INPP4B: variants seen among roughly 807,000 people sequenced by gnomAD.
INPP4B encodes inositol polyphosphate 4-phosphatase type II.
A neutral mutation model predicts 122.5 loss-of-function variants in INPP4B; 55 were observed. The ratio of observed to expected loss-of-function variants is 0.45; its 90% confidence interval spans 0.36 to 0.56. INPP4B has a LOEUF of 0.56. Ranked by LOEUF, INPP4B falls within the 20% of genes least tolerant of loss-of-function variation. The probability of loss-of-function intolerance (pLI) is 0.00; values close to 1 mark genes in which losing one functional copy is unlikely to be tolerated. For synonymous variants in INPP4B, 403 were observed against 388.7 expected (o/e 1.04, Z -0.43); for missense variants, 1,000 against 1,097.7 (o/e 0.91, Z 1.26).
chr4:142,412,028 T>C (rs188315946), intron 5 of INPP4B, among the ~76,000 whole-genome samples: 1 of 152,308 alleles, frequency 6.6e-6, no homozygotes, highest in Non-Finnish European at 1.5e-5. Context: ...GGCAGTTTTT[T>C]ATTCAGAAAT....
chr4:142,830,607 T>C (rs1327212132), intron 1 of INPP4B, among the ~76,000 whole-genome samples: 1 of 151,960 alleles, frequency 6.6e-6, no homozygotes, highest in African/African-American at 2.4e-5. Flanking sequence ...GTGAAGATAC[T>C]GGAGACAAGG....
chr4:142,274,593 T>C (rs1747468656), intron 9 of INPP4B, among the ~76,000 whole-genome samples: 1 of 151,916 alleles, frequency 6.6e-6, no homozygotes. Flanking sequence ...TAGCTTTTCT[T>C]ATAATATCAT....
chr4:142,468,997 T>C (rs1818327979), intron 2 of INPP4B, among the ~76,000 whole-genome samples: 1 of 152,198 alleles, frequency 6.6e-6, no homozygotes, highest in African/African-American at 2.4e-5. Context: ...AGATAAATGT[T>C]AAAATTAAAT....
intron 3 of INPP4B, among the ~76,000 whole-genome samples, chr4:142,454,705 C>G (rs1008838026): frequency 6.6e-6 from 1 of 151,966 alleles, no homozygotes; most frequent in Non-Finnish European, 1.5e-5. Flanking sequence ...GGACATTGGG[C>G]AATTTACTTA....
intron 1 of INPP4B, among the ~76,000 whole-genome samples, chr4:142,767,146 G>T (rs142258955): frequency 5.9e-5 from 9 of 152,230 alleles, no homozygotes; most frequent in African/African-American, 2.2e-4. Context: ...TTTTAAAAAT[G>T]GAGCTTTTGA....
intron 1 of INPP4B, among the ~76,000 whole-genome samples, chr4:142,792,162 A>C (rs1317464859): frequency 6.6e-6 from 1 of 152,068 alleles, no homozygotes; most frequent in East Asian, 1.9e-4. Context: ...CTGAGGCAGA[A>C]GGATCGCTTG....
intron 2 of INPP4B, among the ~76,000 whole-genome samples, chr4:142,627,802 G>C (rs1746843938): frequency 6.6e-6 from 1 of 152,038 alleles, no homozygotes; most frequent in South Asian, 2.1e-4. Flanking sequence ...TTTTTCTATT[G>C]ATTGGAATAG....
At chr4:142,348,187 C>T (rs985704254) in intron 7 of INPP4B, among the ~76,000 whole-genome samples, 7 of 151,838 alleles carry the variant, frequency 4.6e-5, no homozygotes, top group Admixed American at 2.0e-4. Flanking sequence ...CTGAAGAGGG[C>T]GCATGGTAGA....
In INPP4B at chr4:142,185,885, T is replaced by TAAAAAAA. The variant is rs10632593; in HGVS notation, c.1181+7195_1181+7201dup. On this transcript the variant is annotated intron_variant, in intron 15 of 25. Transcript: ENST00000262992. Reference sequence around the variant, plus strand: ...CAGAGCAAGACACCATCTCAAAACATAAAAAAAAAAAAAAAAGAAGTCCTC... The same window carrying TAAAAAAA: ...CAGAGCAAGACACCATCTCAAAACATAAAAAAAAAAAAAAAAAAAAAAAGAAGTCCTC... Among the ~76,000 whole-genome samples, 86 of 129,836 alleles carry TAAAAAAA rather than the reference T, an allele frequency of 6.6e-4. 2 individuals are homozygous for TAAAAAAA. The highest frequency in any genetic ancestry group is 4.4e-3 in the Middle Eastern group (1 of 228). The allele number at this position is 129,836 out of a possible 152,430, so 85.2% of individuals were successfully genotyped here.
chr4:142,059,384 G>A (rs567029448), intron 25 of INPP4B, among the ~76,000 whole-genome samples: 1 of 152,064 alleles, frequency 6.6e-6, no homozygotes, highest in South Asian at 2.1e-4. Context: ...GTTTCCAAAA[G>A]CAGAAATTCT....
At chr4:142,623,352 C>T (rs1033097902) in intron 2 of INPP4B, among the ~76,000 whole-genome samples, 1 of 151,880 alleles carries the variant, frequency 6.6e-6, no homozygotes, top group African/African-American at 2.4e-5. Context: ...TTGGTGAACC[C>T]TTAGCACCAT....
At chr4:142,523,800 C>G in intron 2 of INPP4B, among the ~76,000 whole-genome samples, 1 of 119,046 alleles carries the variant, frequency 8.4e-6, no homozygotes, top group East Asian at 2.7e-4. Context: ...AATGCTATCC[C>G]TCCCCCCTCC....
intron 1 of INPP4B, among the ~76,000 whole-genome samples, chr4:142,824,138 C>T (rs1430430751): frequency 1.3e-5 from 2 of 152,084 alleles, no homozygotes; most frequent in Non-Finnish European, 2.9e-5. Context: ...CCCCCAGGTT[C>T]TCAGGCCTTT....
intron 2 of INPP4B, among the ~76,000 whole-genome samples, chr4:142,550,589 TACAC>T (rs113408746): frequency 1.4e-5 from 2 of 140,548 alleles, no homozygotes; most frequent in Admixed American, 7.4e-5. Flanking sequence ...ATGTAATATA[TACAC>T]ACACACACAC....
At chr4:142,287,142 T>C (rs1754104229) in intron 9 of INPP4B, 1 of 152,236 alleles carries the variant, frequency 6.6e-6, no homozygotes. Context: ...CATCTTCATC[T>C]TCCATTAGGT....
intron 2 of INPP4B, among the ~76,000 whole-genome samples, chr4:142,541,100 G>T (rs1369152526): frequency 2.0e-5 from 3 of 152,094 alleles, no homozygotes. Context: ...ATTTGATTTT[G>T]TCATAACAAG....
intron 21 of INPP4B, among the ~76,000 whole-genome samples, chr4:142,113,065 A>G (rs1791053369): frequency 6.6e-6 from 1 of 152,146 alleles, no homozygotes. Context: ...GTGAAGCTAA[A>G]TAAACCAAAT....
chr4:142,627,616 G>T (rs1180094020), intron 2 of INPP4B, among the ~76,000 whole-genome samples: 57 of 143,500 alleles, frequency 4.0e-4, no homozygotes, highest in East Asian at 1.6e-3. Context: ...CTTGATCATG[G>T]TGGATAAGCT....
intron 14 of INPP4B, among the ~76,000 whole-genome samples, chr4:142,205,699 T>C (rs1257445424): frequency 6.6e-6 from 1 of 152,176 alleles, no homozygotes; most frequent in Non-Finnish European, 1.5e-5. Flanking sequence ...AAAGCGGTAG[T>C]GCTACAATTC....
Sources: allele counts gnomAD v4.1 joint callset (sites outside exome capture counted in the v4.1 genomes callset), GRCh38; gene constraint gnomAD v4.1.1; transcripts MANE v1.5; gene names NCBI Gene and HGNC (gene_info 2026-07-23, HGNC 2026-07-21).